Variants in STXBP4 observed in about 807,000 individuals in gnomAD.
STXBP4 encodes the protein syntaxin-binding protein 4.
A neutral mutation model predicts 76.1 loss-of-function variants in STXBP4; 55 were observed. The ratio of observed to expected loss-of-function variants is 0.72; its 90% confidence interval spans 0.58 to 0.91. STXBP4 has a LOEUF of 0.91. Among genes scored for constraint, STXBP4 ranks in the 40% least tolerant of loss-of-function variants. The probability of loss-of-function intolerance (pLI) is 0.00; values close to 1 mark genes in which losing one functional copy is unlikely to be tolerated. For synonymous variants in STXBP4, 201 were observed against 220.2 expected (o/e 0.91, Z 0.77); for missense variants, 618 against 636.9 (o/e 0.97, Z 0.32).
chr17:54,989,266 C>T (rs927749100), intron 3 of STXBP4, among the ~76,000 whole-genome samples: 2 of 152,146 alleles, frequency 1.3e-5, no homozygotes, highest in African/African-American at 2.4e-5. Flanking sequence ...CACCACCGCG[C>T]CTGGCTAATT....
chr17:55,031,215 C>T lies in STXBP4; in HGVS notation c.714C>T (p.Ala238=). The T allele has an allele frequency of 6.2e-7, 1 of 1,613,328 alleles. No homozygotes were observed. Among genetic ancestry groups the T allele is most frequent in the Non-Finnish European group, 8.5e-7 (1 of 1,179,506 alleles). Residue 238 remains alanine, a synonymous_variant, in exon 9 of 18, where the codon GCC becomes GCT. Transcript: ENST00000376352. ...GIQPTKEQHQ[A]LRQQVQADSK... ...AGCCCACAAAGGAACAACACCAAGC[C>T]CTGAGACAGCAAGTACAAGCAGACT... is the stretch of plus-strand genomic sequence containing the variant.
At chr17:55,035,110 A>G (rs1434142744) in intron 10 of STXBP4, among the ~76,000 whole-genome samples, 2 of 151,984 alleles carry the variant, frequency 1.3e-5, no homozygotes, top group Admixed American at 1.3e-4. Context: ...TGCAAACTTT[A>G]TCATATACTA....
chr17:55,085,136 C>T (rs1430851547), intron 16 of STXBP4, among the ~76,000 whole-genome samples: 1 of 151,412 alleles, frequency 6.6e-6, no homozygotes, highest in Non-Finnish European at 1.5e-5. Context: ...CATATTCTCA[C>T]TCATAGGTGG....
chr17:55,005,028 A>T (rs2077983754), intron 7 of STXBP4, among the ~76,000 whole-genome samples: 1 of 152,172 alleles, frequency 6.6e-6, no homozygotes, highest in African/African-American at 2.4e-5. Context: ...TCAAAAGTAA[A>T]GGTCTAAGTT....
chr17:55,043,164 A>C (rs1370636445), intron 10 of STXBP4, 72 bp from the exon 11 acceptor site: 2 of 718,504 alleles, frequency 2.8e-6, no homozygotes, highest in African/African-American at 3.7e-5. Flanking sequence ...ATTAGTCAAA[A>C]ATGATTTTTA....
chr17:55,171,533 C>G lies in STXBP4; in HGVS notation c.*11622C>G, dbSNP rs1202166747. ...CTTTTCCTTGCTGACCAGGGAATAC[C>G]TCCCCATTGAAGCCTAGGCCAGATT... On this transcript the variant is annotated 3_prime_UTR_variant, in exon 18 of 18. Transcript: ENST00000376352. The G allele has an allele frequency of 6.6e-6, 1 of 152,158 alleles. No individual in the cohort carries two copies. The highest frequency in any genetic ancestry group is 2.4e-5 in the African/African-American group (1 of 41,422). The allele number at this position is 152,158 out of a possible 1,614,324, so 9.4% of individuals were successfully genotyped here. A position where few individuals can be genotyped will look rare whatever the true frequency, so the allele number is the denominator to read the frequency against.
At chr17:55,189,958 AAGT>A in the STXBP4 span, among the ~76,000 whole-genome samples, 1 of 152,198 alleles carries the variant, frequency 6.6e-6, no homozygotes, top group Non-Finnish European at 1.5e-5. Flanking sequence ...ATATTGTTGA[AAGT>A]AGGCAGTTCA....
chr17:55,116,032 C>CA (rs1180247966), intron 16 of STXBP4, among the ~76,000 whole-genome samples: 3 of 151,794 alleles, frequency 2.0e-5, no homozygotes, highest in Admixed American at 2.0e-4. Flanking sequence ...GGTGTAAAGA[C>CA]AAACTCTAGG....
chr17:55,082,113 T>C (rs1232161705), intron 16 of STXBP4, among the ~76,000 whole-genome samples: 1 of 152,188 alleles, frequency 6.6e-6, no homozygotes, highest in Admixed American at 6.5e-5. Flanking sequence ...AGGGAGGTGA[T>C]TTATAATAAA....
At chr17:55,030,642 C>G (rs1307913079) in intron 8 of STXBP4, among the ~76,000 whole-genome samples, 1 of 152,264 alleles carries the variant, frequency 6.6e-6, no homozygotes, top group East Asian at 1.9e-4. Context: ...AGAACTTTTC[C>G]CTTAAGGGGA....
intron 4 of STXBP4, among the ~76,000 whole-genome samples, chr17:54,996,074 T>C (rs1343865919): frequency 6.6e-6 from 1 of 151,830 alleles, no homozygotes; most frequent in Non-Finnish European, 1.5e-5. Context: ...ATAAGGACCA[T>C]ACAGAGTAAG....
At chr17:54,994,649 T>G (rs753463340) in intron 4 of STXBP4, among the ~76,000 whole-genome samples, 7 of 152,182 alleles carry the variant, frequency 4.6e-5, no homozygotes, top group African/African-American at 7.2e-5. Context: ...TTTGTTCTTA[T>G]GCACCATACC....
intron 8 of STXBP4, among the ~76,000 whole-genome samples, chr17:55,025,428 T>C (rs990934136): frequency 6.6e-5 from 10 of 152,150 alleles, no homozygotes; most frequent in Non-Finnish European, 1.3e-4. Flanking sequence ...GAATGCAAAA[T>C]TGGTTTAATA....
At chr17:55,194,559 C>A in the STXBP4 span, among the ~76,000 whole-genome samples, 2 of 152,260 alleles carry the variant, frequency 1.3e-5, no homozygotes, top group East Asian at 3.9e-4. Context: ...TAATACTCGC[C>A]CCTCCTACTG....
chr17:55,070,941 C>T (rs981070339), intron 12 of STXBP4, among the ~76,000 whole-genome samples: 1 of 152,064 alleles, frequency 6.6e-6, no homozygotes, highest in African/African-American at 2.4e-5. Flanking sequence ...GTATTTTTGT[C>T]ATAAACATGG....
chr17:55,185,654 C>T, the STXBP4 span, among the ~76,000 whole-genome samples: 296 of 152,146 alleles, frequency 1.9e-3, 7 homozygotes, highest in South Asian at 0.045. Context: ...AGTCAAAGAC[C>T]GGAGTGGAGA....
At chr17:55,101,063 A>T (rs2079557860) in intron 16 of STXBP4, among the ~76,000 whole-genome samples, 1 of 152,160 alleles carries the variant, frequency 6.6e-6, no homozygotes, top group East Asian at 1.9e-4. Flanking sequence ...CTCCTGTCCT[A>T]CAGAAACCAT....
intron 9 of STXBP4, among the ~76,000 whole-genome samples, chr17:55,032,384 G>T (rs1167154539): frequency 6.6e-6 from 1 of 151,980 alleles, no homozygotes; most frequent in African/African-American, 2.4e-5. Flanking sequence ...AATATCTAAG[G>T]ACAGAAAAAT....
intron 16 of STXBP4, among the ~76,000 whole-genome samples, chr17:55,090,855 CTGTGTGTGTGTGTGTGTGTGTGTGTGTG>C (rs57750914): frequency 6.8e-6 from 1 of 147,308 alleles, no homozygotes; most frequent in South Asian, 2.2e-4. Context: ...GTGTGTGTGT[CTGTGTGTGTGTGTGTGTGTGTGTGTGTG>C]TGTGTGTGTG....
Sources: allele counts gnomAD v4.1 joint callset (sites outside exome capture counted in the v4.1 genomes callset), GRCh38; gene constraint gnomAD v4.1.1; transcripts MANE v1.5; gene names NCBI Gene and HGNC (gene_info 2026-07-23, HGNC 2026-07-21).